The following VCF1 variants were observed in gnomAD, a reference collection of about 807,000 sequenced individuals.
VCF1 encodes VCP nuclear cofactor family member 1, also known as protein VCF1.
the VCF1 span, chr17:73,229,674 T>C: frequency 1.7e-6 from 1 of 580,850 alleles, no homozygotes; most frequent in Non-Finnish European, 2.2e-6. Context: ...GAAACCAGCC[T>C]GGCCCACATG....
At chr17:73,209,428 C>A in the VCF1 span, 21 of 1,392,864 alleles carry the variant, frequency 1.5e-5, 2 homozygotes, top group South Asian at 2.2e-4. Context: ...AGCCAACAGG[C>A]ATTTTTCGTG....
chr17:73,229,275 C>T, the VCF1 span: 4 of 985,424 alleles, frequency 4.1e-6, no homozygotes, highest in Non-Finnish European at 4.8e-6. Context: ...CTTAGCAGAT[C>T]TCATCCTTGA....
At chr17:73,224,751 T>C in the VCF1 span, among the ~76,000 whole-genome samples, 1 of 152,208 alleles carries the variant, frequency 6.6e-6, no homozygotes, top group African/African-American at 2.4e-5. Flanking sequence ...CCTCTGCCTT[T>C]TGCTTCTCTG....
the VCF1 span, chr17:73,209,700 G>T: frequency 1.3e-6 from 2 of 1,547,828 alleles, no homozygotes; most frequent in African/African-American, 2.7e-5. Context: ...CCGGCCCGCT[G>T]GCCCTGTCCG....
chr17:73,231,566 G>C, the VCF1 span, among the ~76,000 whole-genome samples: 1 of 152,172 alleles, frequency 6.6e-6, no homozygotes, highest in Non-Finnish European at 1.5e-5. Context: ...AACCCGCCTT[G>C]GTCATCTGCC....
At chr17:73,219,208 A>C in the VCF1 span, among the ~76,000 whole-genome samples, 12 of 151,384 alleles carry the variant, frequency 7.9e-5, no homozygotes, top group African/African-American at 2.9e-4. Flanking sequence ...AAAAAAAAAA[A>C]AAAAACGACG....
the VCF1 span, chr17:73,207,800 C>T: frequency 6.3e-5 from 81 of 1,287,070 alleles, no homozygotes; most frequent in Admixed American, 1.4e-3. Flanking sequence ...TGTCTTCTTA[C>T]AGCATCGAGT....
chr17:73,228,153 C>A, the VCF1 span, among the ~76,000 whole-genome samples: 1 of 152,212 alleles, frequency 6.6e-6, no homozygotes, highest in African/African-American at 2.4e-5. Flanking sequence ...CTGCACTGAC[C>A]AGCACAGATA....
At chr17:73,212,536 C>A in the VCF1 span, 15 of 555,026 alleles carry the variant, frequency 2.7e-5, no homozygotes, top group Non-Finnish European at 4.1e-5. Flanking sequence ...TACTTAGAGG[C>A]TTAAGAAGTC....
chr17:73,224,840 C>CAGGACAGG, the VCF1 span, among the ~76,000 whole-genome samples: 2 of 130,114 alleles, frequency 1.5e-5, no homozygotes, highest in African/African-American at 3.0e-5. Context: ...CACAGCACAG[C>CAGGACAGG]ACAGGACAGG....
the VCF1 span, chr17:73,208,262 G>A: frequency 6.2e-7 from 1 of 1,611,152 alleles, no homozygotes. Context: ...GGGCGAGTGG[G>A]CAGGAGGGCT....
At chr17:73,211,495 G>GGGGC in the VCF1 span, among the ~76,000 whole-genome samples, 2 of 151,690 alleles carry the variant, frequency 1.3e-5, no homozygotes, top group Admixed American at 6.6e-5. Context: ...TTGAACCTGG[G>GGGGC]GGGTGGAGGT....
the VCF1 span, chr17:73,207,702 T>G: frequency 7.7e-7 from 1 of 1,292,404 alleles, no homozygotes; most frequent in Admixed American, 2.3e-5. Flanking sequence ...TTCATTTCAG[T>G]ACGATGCCAA....
At chr17:73,228,916 A>G in the VCF1 span, among the ~76,000 whole-genome samples, 1 of 152,194 alleles carries the variant, frequency 6.6e-6, no homozygotes, top group Admixed American at 6.5e-5. Flanking sequence ...TCAGCGTGCC[A>G]ACAGCTGACT....
At chr17:73,230,687 G>A in the VCF1 span, among the ~76,000 whole-genome samples, 1 of 152,074 alleles carries the variant, frequency 6.6e-6, no homozygotes, top group African/African-American at 2.4e-5. Context: ...GTGAGCCACC[G>A]CACCCAGCCG....
At chr17:73,216,701 G>C in the VCF1 span, among the ~76,000 whole-genome samples, 2 of 152,200 alleles carry the variant, frequency 1.3e-5, no homozygotes, top group Non-Finnish European at 2.9e-5. Context: ...TTTGGCAGAA[G>C]GGCTAGATAT....
the VCF1 span, among the ~76,000 whole-genome samples, chr17:73,210,977 CTG>C: frequency 6.6e-5 from 10 of 152,248 alleles, 1 homozygote; most frequent in East Asian, 7.7e-4. Context: ...CAGTACCTTT[CTG>C]TGTTTACAGT....
chr17:73,213,271 C>G, the VCF1 span, among the ~76,000 whole-genome samples: 5 of 151,966 alleles, frequency 3.3e-5, no homozygotes, highest in Non-Finnish European at 5.9e-5. Flanking sequence ...TTTACTGGGC[C>G]TTGTTTATAA....
chr17:73,209,852 T>A, the VCF1 span: 2 of 1,505,850 alleles, frequency 1.3e-6, no homozygotes, highest in East Asian at 4.9e-5. Flanking sequence ...CAGCGCTCTA[T>A]TAAGAGTACC....
Sources: gnomAD v4.1 joint callset for allele counts (sites outside exome capture counted in the v4.1 genomes callset) on GRCh38, gnomAD v4.1.1 for gene constraint, MANE v1.5 for transcripts, NCBI Gene and HGNC (gene_info 2026-07-23, HGNC 2026-07-21) for gene names.